RGS6: variants seen among roughly 807,000 people sequenced by gnomAD.
The protein encoded by RGS6 is regulator of G-protein signaling 6.
In RGS6, 30 loss-of-function variants were observed where a neutral mutation model predicts 78.5. The observed-to-expected ratio is 0.38, with a 90% CI of 0.29 to 0.52. RGS6 has a LOEUF of 0.52. RGS6 is among the 20% of genes least tolerant of loss of function. The pLI, the probability that RGS6 is intolerant of heterozygous loss-of-function variation, is 0.85. For missense variants in RGS6, 495 were observed against 609.7 expected, an observed-to-expected ratio of 0.81 and a Z score of 1.98; for synonymous variants, 206 against 206.0, an observed-to-expected ratio of 1.00 and a Z score of 0.00.
intron 3 of RGS6, among the ~76,000 whole-genome samples, chr14:72,356,137 T>C (rs2080222183): frequency 6.6e-6 from 1 of 152,182 alleles, no homozygotes. Context: ...GACTAGGTGA[T>C]ATGGTTTCAC....
At chr14:72,324,304 A>T (rs550205024) in intron 2 of RGS6, among the ~76,000 whole-genome samples, 5 of 152,354 alleles carry the variant, frequency 3.3e-5, no homozygotes, top group Admixed American at 3.3e-4. Flanking sequence ...AACAAGCACA[A>T]ACACCATAAA....
chr14:72,295,058 G>C (rs571691424), intron 2 of RGS6, among the ~76,000 whole-genome samples: 2 of 152,048 alleles, frequency 1.3e-5, no homozygotes, highest in Non-Finnish European at 2.9e-5. Context: ...TTGGGAGGCC[G>C]AGGCGGGCGG....
chr14:72,485,038 C>T (rs961132077), intron 12 of RGS6, among the ~76,000 whole-genome samples: 16 of 150,920 alleles, frequency 1.1e-4, no homozygotes, highest in African/African-American at 2.2e-4. Context: ...TCAAAGCCCA[C>T]GACAATGGTG....
At chr14:72,422,455 G>A (rs2094235955) in intron 3 of RGS6, among the ~76,000 whole-genome samples, 1 of 152,134 alleles carries the variant, frequency 6.6e-6, no homozygotes, top group South Asian at 2.1e-4. Flanking sequence ...CAATCTTGGG[G>A]AAAACAAATC....
the RGS6 span, among the ~76,000 whole-genome samples, chr14:71,899,338 T>A: frequency 6.6e-6 from 1 of 152,196 alleles, no homozygotes; most frequent in African/African-American, 2.4e-5. Context: ...ATTAGCAGGG[T>A]TCCACCAATT....
At chr14:72,498,489 G>A (rs1360314427) in intron 13 of RGS6, among the ~76,000 whole-genome samples, 1 of 152,124 alleles carries the variant, frequency 6.6e-6, no homozygotes, top group African/African-American at 2.4e-5. Context: ...AAATACTAAT[G>A]CCTGGTCCTC....
chr14:72,389,803 G>A (rs2089433289), intron 3 of RGS6, among the ~76,000 whole-genome samples: 1 of 152,220 alleles, frequency 6.6e-6, no homozygotes, highest in Non-Finnish European at 1.5e-5. Flanking sequence ...TTATTTTCGA[G>A]TTTGAATGCT....
chr14:72,612,343 C>T, the RGS6 span: 14 of 441,528 alleles, frequency 3.2e-5, no homozygotes, highest in East Asian at 4.5e-4. Context: ...CGCCTCTCTC[C>T]AGCCACCTGC....
chr14:72,427,300 A>G (rs959251309), intron 3 of RGS6, among the ~76,000 whole-genome samples: 4 of 152,240 alleles, frequency 2.6e-5, no homozygotes, highest in African/African-American at 9.6e-5. Flanking sequence ...TGACTAAGTT[A>G]TAAATAAAAC....
intron 2 of RGS6, among the ~76,000 whole-genome samples, chr14:72,026,562 A>T (rs1047944672): frequency 6.6e-6 from 1 of 152,216 alleles, no homozygotes; most frequent in Non-Finnish European, 1.5e-5. Context: ...TCCAGTAAAC[A>T]TCTCTCTGAG....
At chr14:72,396,100 A>T (rs2091189276) in intron 3 of RGS6, among the ~76,000 whole-genome samples, 1 of 152,190 alleles carries the variant, frequency 6.6e-6, no homozygotes, top group Non-Finnish European at 1.5e-5. Context: ...TCCCTGAGGA[A>T]TCGCCACACC....
At chr14:72,103,767 A>G (rs1186591230) in intron 2 of RGS6, among the ~76,000 whole-genome samples, 1 of 152,226 alleles carries the variant, frequency 6.6e-6, no homozygotes, top group Non-Finnish European at 1.5e-5. Flanking sequence ...CTTGCCGCCT[A>G]GACTCAGAAA....
chr14:72,082,754 G>C (rs1031360239), intron 2 of RGS6, among the ~76,000 whole-genome samples: 2 of 152,060 alleles, frequency 1.3e-5, no homozygotes, highest in African/African-American at 4.8e-5. Context: ...GGAAGTTCTT[G>C]GGGGAAATAA....
At chr14:72,031,618 A>G (rs1485101054) in intron 2 of RGS6, among the ~76,000 whole-genome samples, 3 of 152,222 alleles carry the variant, frequency 2.0e-5, no homozygotes, top group Non-Finnish European at 4.4e-5. Flanking sequence ...CCATCCATGC[A>G]CAGGCACTCA....
chr14:72,083,650 T>G (rs2094913251), intron 2 of RGS6, among the ~76,000 whole-genome samples: 1 of 152,174 alleles, frequency 6.6e-6, no homozygotes. Flanking sequence ...GGTTTTAGGC[T>G]ACTAAAAATT....
intron 3 of RGS6, among the ~76,000 whole-genome samples, chr14:72,395,472 G>A (rs1328131309): frequency 1.3e-5 from 2 of 152,062 alleles, no homozygotes; most frequent in South Asian, 2.1e-4. Flanking sequence ...AGAAGTAAAT[G>A]AAACTAAAGT....
the RGS6 span, among the ~76,000 whole-genome samples, chr14:72,608,213 G>A: frequency 6.6e-6 from 1 of 152,278 alleles, no homozygotes; most frequent in Non-Finnish European, 1.5e-5. Flanking sequence ...CTTCTCTGCT[G>A]TAGCCCCAGT....
upstream of RGS6, among the ~76,000 whole-genome samples, chr14:71,929,682 A>G (rs1291951163): frequency 1.3e-5 from 2 of 152,160 alleles, no homozygotes; most frequent in Non-Finnish European, 2.9e-5. Flanking sequence ...GCATTTATTG[A>G]TGATTCTGGC....
At chr14:72,223,904 A>G (rs1239934738) in intron 2 of RGS6, among the ~76,000 whole-genome samples, 1 of 152,248 alleles carries the variant, frequency 6.6e-6, no homozygotes. Flanking sequence ...TGTGGTTAGT[A>G]AGCACCCCAG....
Sources: gnomAD v4.1 joint callset for allele counts (sites outside exome capture counted in the v4.1 genomes callset) on GRCh38, gnomAD v4.1.1 for gene constraint, MANE v1.5 for transcripts, NCBI Gene and HGNC (gene_info 2026-07-23, HGNC 2026-07-21) for gene names.